RALGAPA1: variants seen among roughly 807,000 people sequenced by gnomAD.
RALGAPA1 encodes Ral GTPase activating protein catalytic subunit alpha 1.
Under a neutral mutation model 269.6 loss-of-function variants are expected in RALGAPA1, and 52 were observed. That is an observed-to-expected ratio of 0.19 (90% CI 0.15 to 0.24). The LOEUF is 0.24. Among genes scored for constraint, RALGAPA1 ranks in the 10% least tolerant of loss-of-function variants. The probability of loss-of-function intolerance (pLI) is 1.00; values close to 1 mark genes in which losing one functional copy is unlikely to be tolerated. For missense variants in RALGAPA1, 1,917 were observed against 3,013.9 expected, an observed-to-expected ratio of 0.64 and a Z score of 8.52; for synonymous variants, 817 against 1,008.3, an observed-to-expected ratio of 0.81 and a Z score of 3.60.
intron 39 of RALGAPA1, among the ~76,000 whole-genome samples, chr14:35,552,210 G>A (rs1396503956): frequency 6.6e-6 from 1 of 151,508 alleles, no homozygotes; most frequent in Admixed American, 6.6e-5. Context: ...CATGTATTAA[G>A]GAAATATAAT....
At chr14:35,797,992 C>T (rs1468564435) in intron 1 of RALGAPA1, among the ~76,000 whole-genome samples, 2 of 150,372 alleles carry the variant, frequency 1.3e-5, no homozygotes, top group Non-Finnish European at 3.0e-5. Context: ...CCTGCCTCAG[C>T]CTCTCAAGTA....
At chr14:35,761,085 A>G (rs1022108078) in intron 5 of RALGAPA1, 79 bp from the exon 6 acceptor site, 1 of 1,077,600 alleles carries the variant, frequency 9.3e-7, no homozygotes. Flanking sequence ...AGTTCTCTAG[A>G]TGATGACAAC....
At chr14:35,587,679 G>C (rs1286520340) in intron 37 of RALGAPA1, among the ~76,000 whole-genome samples, 1 of 151,552 alleles carries the variant, frequency 6.6e-6, no homozygotes, top group Admixed American at 6.6e-5. Context: ...TGAGAACCTT[G>C]GACACAGGGT....
intron 12 of RALGAPA1, among the ~76,000 whole-genome samples, chr14:35,734,487 G>A (rs1449781984): frequency 2.0e-5 from 3 of 152,152 alleles, no homozygotes; most frequent in Non-Finnish European, 4.4e-5. Context: ...GTGCTGGGAT[G>A]ATAGGTTAGC....
In RALGAPA1 at chr14:35,689,028, CTCCTT is replaced by C; in HGVS notation, c.3378_3382del (p.Arg1127LeufsTer3). On this transcript the variant is annotated frameshift_variant, in exon 18 of 42. Coordinates refer to ENST00000680220, the MANE Select transcript of RALGAPA1 (RefSeq NM_001346249.2). LOFTEE classifies it high-confidence loss of function. Reference sequence around the variant, plus strand: ...TCTATGAGTTACTGTTTCAGACAAGCTCCTTTTAGTTGGAGAAAGTTTGCTAGTAC... The same window carrying C: ...TCTATGAGTTACTGTTTCAGACAAGCTTAGTTGGAGAAAGTTTGCTAGTAC... The C allele has an allele frequency of 1.6e-6, 2 of 1,235,928 alleles. No individual in the cohort carries two copies. Among genetic ancestry groups the C allele is most frequent in the Non-Finnish European group, 2.0e-6 (2 of 990,200 alleles). The allele number at this position is 1,235,928 out of a possible 1,614,324, so 76.6% of individuals were successfully genotyped here. A position where few individuals can be genotyped will look rare whatever the true frequency, so the allele number is the denominator to read the frequency against.
chr14:35,687,545 T>C (rs2066064067), intron 18 of RALGAPA1, among the ~76,000 whole-genome samples: 1 of 152,196 alleles, frequency 6.6e-6, no homozygotes, highest in African/African-American at 2.4e-5. Context: ...CAATGCAAGA[T>C]GCATTATACA....
intron 11 of RALGAPA1, among the ~76,000 whole-genome samples, chr14:35,741,630 G>A (rs1352834453): frequency 2.0e-5 from 3 of 152,152 alleles, no homozygotes; most frequent in Non-Finnish European, 4.4e-5. Flanking sequence ...AGCAAGATAT[G>A]TATCAATCGC....
chr14:35,557,313 A>C (rs916450345), intron 39 of RALGAPA1, among the ~76,000 whole-genome samples: 32 of 145,492 alleles, frequency 2.2e-4, no homozygotes, highest in Non-Finnish European at 4.2e-4. Context: ...AAAAAAAAAA[A>C]ACCCAAATAA....
intron 12 of RALGAPA1, among the ~76,000 whole-genome samples, chr14:35,738,305 T>A (rs1323145557): frequency 6.6e-6 from 1 of 151,922 alleles, no homozygotes; most frequent in Non-Finnish European, 1.5e-5. Context: ...CATAACATAA[T>A]TTATATAACA....
chr14:35,685,036 G>A lies in RALGAPA1; in HGVS notation c.4187C>T (p.Pro1396Leu). The change falls in exon 20 of 42, where the codon CCC becomes CTC. Residue 1396 changes from proline to leucine, a missense_variant. Physicochemically the swap from Pro to Leu is moderately conservative, Grantham distance 98 (BLOSUM62 -3). This residue lies in a region of RALGAPA1 where 615 missense variants were observed against 790.0 expected (regional missense o/e 0.78). Coordinates refer to ENST00000680220, the MANE Select transcript of RALGAPA1 (RefSeq NM_001346249.2). ...QMRPIDDPGV[P>L]SEWTSPASAG... is the part of the protein sequence containing the mutation. ...ACTGGCAGGAGAAGTCCATTCTGAGGGCACACCTGGGTCATCAATAGGGCG... is the reference window on the plus strand; with the variant it reads ...ACTGGCAGGAGAAGTCCATTCTGAGAGCACACCTGGGTCATCAATAGGGCG... 1 of 1,609,846 alleles carries A rather than the reference G, an allele frequency of 6.2e-7. No homozygotes were observed. Among genetic ancestry groups the A allele is most frequent in the Non-Finnish European group, 8.5e-7 (1 of 1,177,998 alleles).
At chr14:35,776,805 T>C (rs925016332) in intron 1 of RALGAPA1, among the ~76,000 whole-genome samples, 4 of 152,164 alleles carry the variant, frequency 2.6e-5, no homozygotes, top group Non-Finnish European at 5.9e-5. Flanking sequence ...ACGTGAGGTA[T>C]GCATGTATAC....
chr14:35,745,763 CA>C (rs1157650791), intron 10 of RALGAPA1, among the ~76,000 whole-genome samples: 447 of 33,140 alleles, frequency 0.013, no homozygotes, highest in East Asian at 0.023. Context: ...GACTCCATCT[CA>C]AAAAAAAAAA....
Position 35,674,498 on chromosome 14 carries a change from C to T in RALGAPA1, c.4818+18G>A. 1.3e-6 allele frequency: 2 copies of T among 1,586,396 alleles called. No individual in the cohort carries two copies. The highest frequency in any genetic ancestry group is 1.7e-6 in the Non-Finnish European group (2 of 1,164,500). On this transcript the variant is annotated intron_variant, in intron 23 of 41. Transcript: ENST00000680220. ...TTTTTATTTTCTTCTCCACTTATAT[C>T]CGCTATTTCTTTTTTACCTTAGCTA...
intron 33 of RALGAPA1, among the ~76,000 whole-genome samples, chr14:35,632,643 T>G (rs1389544275): frequency 6.6e-6 from 1 of 152,190 alleles, no homozygotes; most frequent in Non-Finnish European, 1.5e-5. Flanking sequence ...TGATGACTTT[T>G]TGCTAATAAG....
intron 1 of RALGAPA1, among the ~76,000 whole-genome samples, chr14:35,784,490 AAG>A (rs2075669378): frequency 6.6e-6 from 1 of 152,058 alleles, no homozygotes. Flanking sequence ...TGATTGCTAA[AAG>A]GTATGAGTTT....
intron 31 of RALGAPA1, among the ~76,000 whole-genome samples, chr14:35,638,841 G>A (rs548268220): frequency 2.6e-5 from 4 of 152,114 alleles, no homozygotes; most frequent in East Asian, 1.9e-4. Flanking sequence ...CAGGTGAATC[G>A]TTTGAACCCA....
At chr14:35,630,022 TA>T (rs983797567) in intron 33 of RALGAPA1, among the ~76,000 whole-genome samples, 1 of 152,194 alleles carries the variant, frequency 6.6e-6, no homozygotes, top group Non-Finnish European at 1.5e-5. Flanking sequence ...ATAATCACTT[TA>T]AAAGAGGCAA....
At chr14:35,603,982 G>C (rs974888438) in intron 36 of RALGAPA1, among the ~76,000 whole-genome samples, 1 of 152,072 alleles carries the variant, frequency 6.6e-6, no homozygotes, top group Non-Finnish European at 1.5e-5. Context: ...TGTCAGAATA[G>C]CTAGAAGAGG....
intron 4 of RALGAPA1, chr14:35,766,348 C>G: frequency 7.7e-7 from 1 of 1,299,088 alleles, no homozygotes; most frequent in East Asian, 2.3e-5. Context: ...CCCAGTTTGA[C>G]AAATGTGAGC....
Sources: allele counts gnomAD v4.1 joint callset (sites outside exome capture counted in the v4.1 genomes callset), GRCh38; gene constraint gnomAD v4.1.1; regional missense constraint gnomAD v4.1.1; transcripts MANE v1.5; gene names NCBI Gene and HGNC (gene_info 2026-07-23, HGNC 2026-07-21).